The following FSTL5 variants were observed in gnomAD, a reference collection of about 807,000 sequenced individuals.
The protein encoded by FSTL5 is follistatin like 5.
Under a neutral mutation model 89.1 loss-of-function variants are expected in FSTL5, and 62 were observed. The observed-to-expected ratio is 0.70, with a 90% confidence interval of 0.57 to 0.86. The LOEUF is 0.86. FSTL5 is among the 40% of genes least tolerant of loss of function. The probability of loss-of-function intolerance (pLI) is 0.00; values close to 1 mark genes in which losing one functional copy is unlikely to be tolerated. For synonymous variants in FSTL5, 383 were observed against 346.2 expected, an observed-to-expected ratio of 1.11 and a Z score of -1.18; for missense variants, 1,057 against 1,001.6, an observed-to-expected ratio of 1.06 and a Z score of -0.75.
chr4:161,503,205 G>T (rs1374376750), intron 11 of FSTL5, among the ~76,000 whole-genome samples: 1 of 151,558 alleles, frequency 6.6e-6, no homozygotes, highest in Non-Finnish European at 1.5e-5. Context: ...AAAATATTTA[G>T]CAGAGTAACT....
chr4:162,136,466 T>A (rs1054912056), intron 1 of FSTL5, among the ~76,000 whole-genome samples: 17 of 151,080 alleles, frequency 1.1e-4, no homozygotes, highest in African/African-American at 4.1e-4. Flanking sequence ...GTGGGGGGAG[T>A]TGTAGATATA....
chr4:161,503,709 G>T (rs1730379518), intron 11 of FSTL5, among the ~76,000 whole-genome samples: 1 of 151,820 alleles, frequency 6.6e-6, no homozygotes, highest in African/African-American at 2.4e-5. Flanking sequence ...TATCACTCTG[G>T]CCAATATATA....
chr4:161,995,354 C>T (rs552376870), intron 3 of FSTL5, among the ~76,000 whole-genome samples: 12 of 152,026 alleles, frequency 7.9e-5, no homozygotes, highest in East Asian at 1.9e-4. Flanking sequence ...AGTAACTTGC[C>T]GAACTTTGCA....
At chr4:161,809,087 C>T (rs1038644697) in intron 4 of FSTL5, among the ~76,000 whole-genome samples, 31 of 152,010 alleles carry the variant, frequency 2.0e-4, no homozygotes, top group Non-Finnish European at 1.0e-4. Context: ...GGCTTGGTGG[C>T]GGCTGCCTGT....
chr4:161,628,311 T>C (rs1233791364), intron 7 of FSTL5, among the ~76,000 whole-genome samples: 1 of 152,164 alleles, frequency 6.6e-6, no homozygotes, highest in Non-Finnish European at 1.5e-5. Context: ...TAGATTATTC[T>C]AGTTGTAGTA....
chr4:162,048,699 A>T (rs1387043648), intron 2 of FSTL5, among the ~76,000 whole-genome samples: 1 of 152,106 alleles, frequency 6.6e-6, no homozygotes, highest in East Asian at 1.9e-4. Context: ...AAGTAGAATA[A>T]AGTCATCAAG....
intron 11 of FSTL5, among the ~76,000 whole-genome samples, chr4:161,508,529 A>C (rs1430310102): frequency 1.3e-5 from 2 of 152,190 alleles, no homozygotes; most frequent in South Asian, 4.1e-4. Context: ...GAGAATAATT[A>C]CTGAGGGTAT....
intron 6 of FSTL5, among the ~76,000 whole-genome samples, chr4:161,726,431 T>C (rs1238896852): frequency 6.6e-6 from 1 of 151,970 alleles, no homozygotes; most frequent in Non-Finnish European, 1.5e-5. Flanking sequence ...TTTCACCATA[T>C]TGGTCAGGCT....
intron 2 of FSTL5, among the ~76,000 whole-genome samples, chr4:162,066,356 C>CTTCTTCTTCTTG (rs1738910333): frequency 5.0e-5 from 5 of 100,852 alleles, no homozygotes; most frequent in African/African-American, 1.9e-4. Context: ...TCTTCTTCTC[C>CTTCTTCTTCTTG]TTCTTCTTCT....
intron 3 of FSTL5, among the ~76,000 whole-genome samples, chr4:162,009,484 C>A (rs1267822685): frequency 6.6e-6 from 1 of 151,926 alleles, no homozygotes; most frequent in South Asian, 2.1e-4. Context: ...TAGGAACCTG[C>A]ATAATGCAAA....
At chr4:161,786,530 T>G (rs1579092181) in intron 4 of FSTL5, among the ~76,000 whole-genome samples, 1 of 152,092 alleles carries the variant, frequency 6.6e-6, no homozygotes, top group Admixed American at 6.5e-5. Flanking sequence ...CAATCAGTCA[T>G]AGCCTGGATG....
At chr4:161,989,203 G>A (rs1736045637) in intron 3 of FSTL5, among the ~76,000 whole-genome samples, 1 of 152,106 alleles carries the variant, frequency 6.6e-6, no homozygotes, top group African/African-American at 2.4e-5. Flanking sequence ...TGTTTCTCAG[G>A]AGATCCAAGG....
intron 6 of FSTL5, among the ~76,000 whole-genome samples, chr4:161,717,756 T>C (rs1358643904): frequency 6.6e-6 from 1 of 152,214 alleles, no homozygotes; most frequent in African/African-American, 2.4e-5. Flanking sequence ...TGAAATGATA[T>C]TGTTAAATCA....
At chr4:161,638,337 T>A (rs909085941) in intron 7 of FSTL5, among the ~76,000 whole-genome samples, 10 of 152,004 alleles carry the variant, frequency 6.6e-5, no homozygotes, top group Non-Finnish European at 1.5e-4. Context: ...TTTGCTGAAG[T>A]TGCTTATCAG....
At chr4:161,812,751 G>A (rs557814082) in intron 4 of FSTL5, among the ~76,000 whole-genome samples, 4 of 151,676 alleles carry the variant, frequency 2.6e-5, no homozygotes, top group Non-Finnish European at 5.9e-5. Context: ...AACAATATTA[G>A]CTCAGTGTTT....
chr4:162,044,102 GA>G (rs1458468061), intron 2 of FSTL5, among the ~76,000 whole-genome samples: 2 of 152,154 alleles, frequency 1.3e-5, no homozygotes, highest in Non-Finnish European at 2.9e-5. Flanking sequence ...ATCCTTTCCA[GA>G]AGGTTTTTAA....
intron 13 of FSTL5, 64 bp from the exon 14 acceptor site, chr4:161,459,383 A>T: frequency 1.0e-6 from 1 of 964,124 alleles, no homozygotes; most frequent in Non-Finnish European, 1.6e-6. Flanking sequence ...GCTAGGCCAG[A>T]AATTATGAAG....
intron 6 of FSTL5, among the ~76,000 whole-genome samples, chr4:161,670,727 C>G (rs1737068898): frequency 6.6e-6 from 1 of 152,078 alleles, no homozygotes; most frequent in African/African-American, 2.4e-5. Flanking sequence ...ATGTAAAATA[C>G]GGGGAATTGA....
At chr4:161,730,594 A>T (rs1739575155) in intron 6 of FSTL5, among the ~76,000 whole-genome samples, 2 of 152,194 alleles carry the variant, frequency 1.3e-5, no homozygotes, top group African/African-American at 4.8e-5. Flanking sequence ...GCTAGTACAG[A>T]ACATTTGCTG....
Sources: allele counts gnomAD v4.1 joint callset (sites outside exome capture counted in the v4.1 genomes callset), GRCh38; gene constraint gnomAD v4.1.1; transcripts MANE v1.5; gene names NCBI Gene and HGNC (gene_info 2026-07-23, HGNC 2026-07-21).